DSCAM: variants seen among roughly 807,000 people sequenced by gnomAD.
The protein encoded by DSCAM is cell adhesion molecule DSCAM.
In DSCAM, 47 loss-of-function variants were observed where a neutral mutation model predicts 217.7. The observed-to-expected ratio is 0.22, with a 90% CI of 0.17 to 0.28. The LOEUF (loss-of-function observed/expected upper bound fraction) is 0.28. DSCAM is among the 10% of genes least tolerant of loss of function. The pLI, the probability that DSCAM is intolerant of heterozygous loss-of-function variation, is 1.00. For missense variants in DSCAM, 2,080 were observed against 2,618.3 expected, an observed-to-expected ratio of 0.79 and a Z score of 4.49; for synonymous variants, 1,056 against 1,015.3, an observed-to-expected ratio of 1.04 and a Z score of -0.76.
chr21:40,275,345 G>C (rs2073672863), intron 11 of DSCAM, among the ~76,000 whole-genome samples: 1 of 152,126 alleles, frequency 6.6e-6, no homozygotes, highest in Non-Finnish European at 1.5e-5. Context: ...AAAAGTGGGA[G>C]GGGAGTCTGA....
chr21:40,760,435 G>T (rs966131397), intron 1 of DSCAM, among the ~76,000 whole-genome samples: 14 of 152,158 alleles, frequency 9.2e-5, no homozygotes, highest in African/African-American at 3.1e-4. Flanking sequence ...GCTTGCACAG[G>T]AGCCACAGGT....
intron 2 of DSCAM, among the ~76,000 whole-genome samples, chr21:40,705,540 C>T (rs1293234157): frequency 2.0e-5 from 3 of 152,102 alleles, no homozygotes; most frequent in South Asian, 2.1e-4. Context: ...CCTCAGGAAA[C>T]GTACAATCAT....
intron 3 of DSCAM, among the ~76,000 whole-genome samples, chr21:40,503,139 T>C (rs968999570): frequency 6.6e-6 from 1 of 152,236 alleles, no homozygotes; most frequent in Non-Finnish European, 1.5e-5. Context: ...TCTATTATGC[T>C]ACTTTTACAG....
At chr21:40,749,547 A>G (rs1171781720) in intron 1 of DSCAM, among the ~76,000 whole-genome samples, 1 of 152,192 alleles carries the variant, frequency 6.6e-6, no homozygotes, top group Non-Finnish European at 1.5e-5. Flanking sequence ...TAGAATGGTT[A>G]TCATCAAAAA....
chr21:40,578,421 C>T (rs144512922), intron 3 of DSCAM, among the ~76,000 whole-genome samples: 5 of 144,498 alleles, frequency 3.5e-5, no homozygotes, highest in African/African-American at 1.0e-4. Flanking sequence ...TCTGTAAAAA[C>T]GCACCAATCA....
At chr21:40,820,947 C>A (rs953815138) in intron 1 of DSCAM, among the ~76,000 whole-genome samples, 1 of 151,572 alleles carries the variant, frequency 6.6e-6, no homozygotes, top group Admixed American at 6.6e-5. Flanking sequence ...TAATTTAGTA[C>A]AGCAAGTTTT....
intron 1 of DSCAM, among the ~76,000 whole-genome samples, chr21:40,755,960 GAATTA>G (rs1448362251): frequency 2.0e-5 from 3 of 152,310 alleles, no homozygotes; most frequent in Non-Finnish European, 2.9e-5. Context: ...AAGAAGTTGG[GAATTA>G]AATTAAAACA....
intron 1 of DSCAM, among the ~76,000 whole-genome samples, chr21:40,774,516 C>T (rs886255199): frequency 7.2e-5 from 11 of 152,202 alleles, no homozygotes; most frequent in African/African-American, 2.2e-4. Flanking sequence ...CTAGCATCTT[C>T]GTTTCTAAAT....
chr21:40,292,404 C>G (rs2073904406), intron 10 of DSCAM, among the ~76,000 whole-genome samples: 1 of 151,656 alleles, frequency 6.6e-6, no homozygotes, highest in African/African-American at 2.4e-5. Context: ...AAAACATGTT[C>G]CATAAGCAAG....
At chr21:40,354,133 T>C (rs892700346) in intron 4 of DSCAM, among the ~76,000 whole-genome samples, 1 of 152,194 alleles carries the variant, frequency 6.6e-6, no homozygotes, top group African/African-American at 2.4e-5. Flanking sequence ...AAATAAGACC[T>C]AGTGGTAGAC....
At chr21:40,579,207 A>T (rs1021787091) in intron 3 of DSCAM, among the ~76,000 whole-genome samples, 1 of 152,144 alleles carries the variant, frequency 6.6e-6, no homozygotes, top group Non-Finnish European at 1.5e-5. Flanking sequence ...GAAAGCAACA[A>T]TACATATGAA....
intron 3 of DSCAM, among the ~76,000 whole-genome samples, chr21:40,444,166 C>G (rs567391401): frequency 2.0e-5 from 3 of 152,030 alleles, no homozygotes; most frequent in Non-Finnish European, 2.9e-5. Flanking sequence ...ATAACTAAAA[C>G]TGGAGACTCA....
At chr21:40,014,630 G>GCCTTC (rs1568887825) in intron 32 of DSCAM, among the ~76,000 whole-genome samples, 5 of 152,070 alleles carry the variant, frequency 3.3e-5, no homozygotes, top group African/African-American at 4.8e-5. Flanking sequence ...GCAGCCTGAC[G>GCCTTC]TGCCTCCAAC....
chr21:40,028,456 C>T (rs1305812927), intron 32 of DSCAM, among the ~76,000 whole-genome samples: 1 of 151,780 alleles, frequency 6.6e-6, no homozygotes. Flanking sequence ...GCCTGGCTGC[C>T]ACCTTGCAGT....
In DSCAM at chr21:40,559,321, G is replaced by A. The variant is rs1287823598; in HGVS notation, c.508+133489C>T. 3.9e-5 allele frequency among the ~76,000 whole-genome samples: 6 copies of A among 152,084 alleles called. 1 individual carries two copies. Among genetic ancestry groups the A allele is most frequent in the Non-Finnish European group, 7.4e-5 (5 of 68,010 alleles). ...AAAATACAAAAAATTAGCCGGGCGCGGTGGCGGGCGCCTGTAGTCCCAGCT... is the reference window on the plus strand; with the variant it reads ...AAAATACAAAAAATTAGCCGGGCGCAGTGGCGGGCGCCTGTAGTCCCAGCT... On this transcript the variant is annotated intron_variant, in intron 3 of 32. Transcript: ENST00000400454.
Position 40,080,055 on chromosome 21 carries a change from CAT to C in DSCAM, c.4420+95_4420+96del, listed in dbSNP as rs2089431528. The C allele has an allele frequency of 5.1e-6, 6 of 1,174,842 alleles. No homozygotes were observed. The South Asian group carries it at 7.3e-5, about 14-fold the overall frequency. 72.8% of individuals were successfully genotyped at this position (1,174,842 alleles called of 1,614,324 possible). ...TGTGAGGAATGACAAAGTTCAAACACATAAACGTAAAACATGATGGATCTTTT... is the reference window on the plus strand; with the variant it reads ...TGTGAGGAATGACAAAGTTCAAACACAAACGTAAAACATGATGGATCTTTT... On this transcript the variant is annotated intron_variant, in intron 25 of 32. Transcript: ENST00000400454.
At chr21:40,540,015 G>T (rs1333233573) in intron 3 of DSCAM, among the ~76,000 whole-genome samples, 1 of 152,078 alleles carries the variant, frequency 6.6e-6, no homozygotes, top group Non-Finnish European at 1.5e-5. Flanking sequence ...GCCTTTAGCA[G>T]TTTGTTTCTA....
chr21:40,142,828 G>A (rs1251110951), intron 17 of DSCAM, 124 bp from the exon 18 acceptor site: 4 of 1,107,998 alleles, frequency 3.6e-6, no homozygotes, highest in East Asian at 2.4e-5. Flanking sequence ...ACCCCAAAAT[G>A]AAAGAAAAAA....
chr21:40,776,578 T>C (rs1027577089), intron 1 of DSCAM, among the ~76,000 whole-genome samples: 2 of 152,106 alleles, frequency 1.3e-5, no homozygotes, highest in African/African-American at 4.8e-5. Context: ...ACAGAGAGCA[T>C]ATGATGTGTG....
Sources: gnomAD v4.1 joint callset for allele counts (sites outside exome capture counted in the v4.1 genomes callset) on GRCh38, gnomAD v4.1.1 for gene constraint, MANE v1.5 for transcripts, NCBI Gene and HGNC (gene_info 2026-07-23, HGNC 2026-07-21) for gene names.